The following NEDD4 variants were observed in gnomAD, a reference collection of about 807,000 sequenced individuals.
The protein encoded by NEDD4 is E3 ubiquitin-protein ligase NEDD4.
Under a neutral mutation model 144.9 loss-of-function variants are expected in NEDD4, and 99 were observed. The observed-to-expected ratio is 0.68, with a 90% confidence interval of 0.58 to 0.81. The LOEUF is 0.81. Among genes scored for constraint, NEDD4 ranks in the 30% least tolerant of loss-of-function variants. NEDD4 has a pLI of 0.00. For missense variants in NEDD4, 985 were observed against 1,065.9 expected (o/e 0.92, Z 1.06); for synonymous variants, 318 against 350.6 (o/e 0.91, Z 1.04).
At chr15:55,960,501 C>G (rs1468764128) in intron 2 of NEDD4, among the ~76,000 whole-genome samples, 1 of 152,166 alleles carries the variant, frequency 6.6e-6, no homozygotes, top group Non-Finnish European at 1.5e-5. Context: ...GCTAGGGGCT[C>G]TTGTACCTTC....
chr15:55,886,743 G>A (rs1444323026), intron 5 of NEDD4, among the ~76,000 whole-genome samples: 1 of 139,206 alleles, frequency 7.2e-6, no homozygotes, highest in Non-Finnish European at 1.5e-5. Flanking sequence ...GGACAACAGA[G>A]CAAGACTCCG....
chr15:55,986,129 C>G (rs1287557147), intron 1 of NEDD4, among the ~76,000 whole-genome samples: 1 of 152,048 alleles, frequency 6.6e-6, no homozygotes, highest in Non-Finnish European at 1.5e-5. Flanking sequence ...CAAGTCTATG[C>G]TGATATAAAT....
chr15:55,859,284 A>G (rs1442571850), intron 11 of NEDD4, among the ~76,000 whole-genome samples: 1 of 152,324 alleles, frequency 6.6e-6, no homozygotes. Flanking sequence ...TCTGAACCCT[A>G]TGGACAACAG....
intron 5 of NEDD4, among the ~76,000 whole-genome samples, chr15:55,880,962 G>T (rs2035169959): frequency 6.6e-6 from 1 of 152,106 alleles, no homozygotes; most frequent in African/African-American, 2.4e-5. Flanking sequence ...CCAGTGTGTG[G>T]ACATTTCAAA....
chr15:55,853,472 C>T (rs2034073068), intron 12 of NEDD4, among the ~76,000 whole-genome samples: 1 of 152,130 alleles, frequency 6.6e-6, no homozygotes, highest in South Asian at 2.1e-4. Flanking sequence ...TGATCTTAGC[C>T]AAAAGGCCGA....
At chr15:55,884,159 C>T (rs570164261) in intron 5 of NEDD4, among the ~76,000 whole-genome samples, 2 of 152,214 alleles carry the variant, frequency 1.3e-5, no homozygotes, top group African/African-American at 4.8e-5. Flanking sequence ...GGATTACAGG[C>T]ATGAGCCACC....
intron 2 of NEDD4, among the ~76,000 whole-genome samples, chr15:55,958,083 C>G (rs778887429): frequency 7.9e-5 from 12 of 152,118 alleles, no homozygotes; most frequent in Admixed American, 5.2e-4. Context: ...CAAACCTGCA[C>G]ATTGTGCACA....
chr15:55,955,897 C>A (rs1159685245), intron 2 of NEDD4, among the ~76,000 whole-genome samples: 1 of 150,692 alleles, frequency 6.6e-6, no homozygotes, highest in Non-Finnish European at 1.5e-5. Flanking sequence ...CTCACTGTAG[C>A]CTCAACTTCC....
intron 1 of NEDD4, among the ~76,000 whole-genome samples, chr15:55,981,367 C>CTT (rs59382910): frequency 4.6e-5 from 7 of 151,140 alleles, no homozygotes; most frequent in Non-Finnish European, 8.9e-5. Flanking sequence ...GCCCGGCCTC[C>CTT]TTTTTTTTTC....
At chr15:55,932,406 C>G (rs550765965) in intron 4 of NEDD4, among the ~76,000 whole-genome samples, 2 of 152,118 alleles carry the variant, frequency 1.3e-5, no homozygotes, top group Admixed American at 1.3e-4. Flanking sequence ...CTGACAAAAA[C>G]AAGAAACGGG....
At chr15:55,965,650 T>C (rs1362176274) in intron 2 of NEDD4, among the ~76,000 whole-genome samples, 3 of 129,128 alleles carry the variant, frequency 2.3e-5, no homozygotes, top group African/African-American at 9.1e-5. Context: ...ACTAATACTA[T>C]TTGGTATGTA....
At chr15:55,947,219 G>A (rs1485731006) in intron 4 of NEDD4, among the ~76,000 whole-genome samples, 1 of 152,094 alleles carries the variant, frequency 6.6e-6, no homozygotes. Flanking sequence ...GAATCCAGGA[G>A]GTAGTTTTTT....
intron 5 of NEDD4, among the ~76,000 whole-genome samples, chr15:55,889,579 T>C (rs1252797190): frequency 1.3e-5 from 2 of 152,008 alleles, no homozygotes; most frequent in African/African-American, 2.4e-5. Context: ...ACAAGGGTAG[T>C]GGGGTAGGGA....
chr15:55,989,160 T>C (rs1437777516), intron 1 of NEDD4, among the ~76,000 whole-genome samples: 1 of 152,134 alleles, frequency 6.6e-6, no homozygotes, highest in Non-Finnish European at 1.5e-5. Flanking sequence ...CGCTGGAACC[T>C]GGTAGGCAGA....
intron 5 of NEDD4, among the ~76,000 whole-genome samples, chr15:55,902,185 C>T (rs1387962468): frequency 6.6e-6 from 1 of 152,044 alleles, no homozygotes; most frequent in Non-Finnish European, 1.5e-5. Flanking sequence ...CAAAAGTTAT[C>T]TGATTAAAGA....
intron 18 of NEDD4, among the ~76,000 whole-genome samples, chr15:55,843,425 A>C (rs907874871): frequency 3.3e-4 from 51 of 152,360 alleles, no homozygotes; most frequent in African/African-American, 1.2e-3. Context: ...ACATTGCCTC[A>C]CTAATCTTTT....
intron 5 of NEDD4, among the ~76,000 whole-genome samples, chr15:55,884,173 C>T (rs1366250912): frequency 6.6e-6 from 1 of 152,120 alleles, no homozygotes; most frequent in Non-Finnish European, 1.5e-5. Flanking sequence ...AGCCACCATG[C>T]CTGGTCCCAA....
chr15:55,846,563 T>C (rs2033754545), intron 18 of NEDD4, among the ~76,000 whole-genome samples: 1 of 152,196 alleles, frequency 6.6e-6, no homozygotes, highest in Admixed American at 6.5e-5. Context: ...AGAGAATGAA[T>C]GACTTTCGCT....
chr15:55,915,886 T>C (rs773552466), intron 5 of NEDD4: 3 of 1,614,016 alleles, frequency 1.9e-6, no homozygotes, highest in Admixed American at 3.3e-5. Context: ...AGAAATCCTT[T>C]AGCACTAGTG....
Sources: allele counts gnomAD v4.1 joint callset (sites outside exome capture counted in the v4.1 genomes callset), GRCh38; gene constraint gnomAD v4.1.1; transcripts MANE v1.5; gene names NCBI Gene and HGNC (gene_info 2026-07-23, HGNC 2026-07-21).